TLK1: variants seen among roughly 807,000 people sequenced by gnomAD.
TLK1 encodes tousled like kinase 1, also known as serine/threonine-protein kinase tousled-like 1.
Under a neutral mutation model 105.3 loss-of-function variants are expected in TLK1, and 24 were observed. The observed-to-expected ratio is 0.23, with a 90% CI of 0.17 to 0.32. The LOEUF is 0.32. Among genes scored for constraint, TLK1 ranks in the 10% least tolerant of loss-of-function variants. The pLI, the probability that TLK1 is intolerant of heterozygous loss-of-function variation, is 1.00. For missense variants in TLK1, 558 were observed against 910.5 expected, an observed-to-expected ratio of 0.61 and a Z score of 4.98; for synonymous variants, 321 against 310.4, an observed-to-expected ratio of 1.03 and a Z score of -0.36.
At chr2:171,101,585 C>T (rs1026711581) in intron 2 of TLK1, among the ~76,000 whole-genome samples, 2 of 152,166 alleles carry the variant, frequency 1.3e-5, no homozygotes, top group African/African-American at 2.4e-5. Flanking sequence ...AAAGTGAATA[C>T]ATTAAAAACC....
intron 2 of TLK1, among the ~76,000 whole-genome samples, chr2:171,117,289 G>C (rs1690476208): frequency 6.6e-6 from 1 of 152,150 alleles, no homozygotes. Flanking sequence ...TGGAGCTCAG[G>C]CAGTAATGCT....
chr2:171,078,784 C>G (rs529177296), intron 3 of TLK1, among the ~76,000 whole-genome samples: 1 of 152,238 alleles, frequency 6.6e-6, no homozygotes, highest in South Asian at 2.1e-4. Context: ...AATATTAAAC[C>G]TTGAAGGTTA....
In TLK1 at chr2:171,117,865, GA is replaced by G. The variant is rs758541889; in HGVS notation, c.140-9del. 65 of 1,559,008 alleles carry G rather than the reference GA, an allele frequency of 4.2e-5. No homozygotes were observed. Among genetic ancestry groups the G allele is most frequent in the Admixed American group, 1.2e-4 (6 of 52,112 alleles). ...GAAGCTCATCCATTGCACCTATTAA[GA>G]AAAAAAAATATATATGTACACATAT... is the stretch of plus-strand genomic sequence containing the variant. On this transcript the variant is annotated splice_polypyrimidine_tract_variant and intron_variant, in intron 1 of 20. Coordinates refer to ENST00000431350, the MANE Select transcript of TLK1 (RefSeq NM_012290.5).
intron 11 of TLK1, among the ~76,000 whole-genome samples, chr2:171,030,764 A>C (rs1373530559): frequency 6.6e-6 from 1 of 152,164 alleles, no homozygotes; most frequent in Non-Finnish European, 1.5e-5. Context: ...TTCTATATAG[A>C]AATTCTGTAC....
chr2:171,125,987 GA>G (rs1229021647), intron 1 of TLK1, among the ~76,000 whole-genome samples: 1 of 151,678 alleles, frequency 6.6e-6, no homozygotes, highest in African/African-American at 2.4e-5. Context: ...AAATTTTCTG[GA>G]AAAAAAGTAA....
intron 3 of TLK1, among the ~76,000 whole-genome samples, chr2:171,074,350 A>T (rs974011860): frequency 6.6e-6 from 1 of 151,596 alleles, no homozygotes; most frequent in African/African-American, 2.4e-5. Context: ...CTGGAGGTGG[A>T]GGTGTAGTGG....
At chr2:171,135,702 T>G (rs1691289504) in intron 1 of TLK1, among the ~76,000 whole-genome samples, 1 of 151,868 alleles carries the variant, frequency 6.6e-6, no homozygotes, top group African/African-American at 2.4e-5. Context: ...CTCCAGAGGT[T>G]GGGGCAGGAG....
At chr2:171,129,218 T>C (rs1690996975) in intron 1 of TLK1, among the ~76,000 whole-genome samples, 1 of 152,188 alleles carries the variant, frequency 6.6e-6, no homozygotes, top group African/African-American at 2.4e-5. Context: ...AAGTAATAGG[T>C]GCTTCTTGAA....
rs1343439818 is a variant in TLK1, at chr2:171,160,232, G to A, written c.139+58C>T. ...GCGGGGGGGGCGGGGGGGGGGCGCGGGGGTCCGCGGCGCGGGAGAGGAGGC... is the reference window on the plus strand; with the variant it reads ...GCGGGGGGGGCGGGGGGGGGGCGCGAGGGTCCGCGGCGCGGGAGAGGAGGC... On this transcript the variant is annotated intron_variant, in intron 1 of 20. Transcript: ENST00000431350. This position sits in a 1 kb window ranked among gnomAD's most constrained non-coding sequence, Gnocchi z 4.4. The A allele has an allele frequency of 7.6e-7, 1 of 1,314,170 alleles. No homozygotes were observed. The highest frequency in any genetic ancestry group is 1.6e-5 in the African/African-American group (1 of 63,936). 81.4% of individuals were successfully genotyped at this position (1,314,170 alleles called of 1,614,324 possible).
intron 2 of TLK1, among the ~76,000 whole-genome samples, chr2:171,116,630 G>A (rs1690441449): frequency 1.3e-5 from 2 of 151,802 alleles, no homozygotes; most frequent in African/African-American, 2.4e-5. Flanking sequence ...AACCTGGGAG[G>A]CGGAGGTTGC....
At chr2:171,017,909 AAGTT>A (rs1386623157) in intron 12 of TLK1, among the ~76,000 whole-genome samples, 1 of 152,228 alleles carries the variant, frequency 6.6e-6, no homozygotes, top group Non-Finnish European at 1.5e-5. Context: ...TTCATCTTGT[AAGTT>A]AGTATTTCAC....
In TLK1 at chr2:171,004,587, A is replaced by C. The variant is rs151294911; in HGVS notation, c.1904+1560T>G. On this transcript the variant is annotated intron_variant, in intron 18 of 20. Transcript: ENST00000431350. ...TGTCCCTCGAACATCTGTAAAAGGG[A>C]AATTTCCTTGTCCTTCCCTATACTA... 4.8e-3 allele frequency among the ~76,000 whole-genome samples: 735 copies of C among 152,298 alleles called. 6 individuals carry two copies. The highest frequency in any genetic ancestry group is 0.016 in the African/African-American group (683 of 41,554).
chr2:171,067,241 GCT>G (rs1237582278), intron 3 of TLK1, among the ~76,000 whole-genome samples: 1 of 148,832 alleles, frequency 6.7e-6, no homozygotes, highest in Admixed American at 6.8e-5. Flanking sequence ...CTCACTGCAA[GCT>G]CTGTCTCCTG....
chr2:171,152,765 T>C (rs1232742894), intron 1 of TLK1, among the ~76,000 whole-genome samples: 2 of 152,188 alleles, frequency 1.3e-5, no homozygotes, highest in Non-Finnish European at 2.9e-5. Flanking sequence ...TTTGTTCAAA[T>C]TCTAGTATTT....
upstream of TLK1, among the ~76,000 whole-genome samples, chr2:171,163,598 C>A (rs1181554591): frequency 6.6e-6 from 1 of 152,082 alleles, no homozygotes; most frequent in East Asian, 1.9e-4. Flanking sequence ...AAGCTCCTAC[C>A]AATTCTGAGA....
chr2:171,038,116 A>C (rs1298764857), intron 11 of TLK1, among the ~76,000 whole-genome samples: 1 of 152,182 alleles, frequency 6.6e-6, no homozygotes, highest in African/African-American at 2.4e-5. Flanking sequence ...TCAATTTCAC[A>C]AAGATTTCAA....
intron 5 of TLK1, among the ~76,000 whole-genome samples, chr2:171,056,969 T>C (rs1037640728): frequency 5.3e-5 from 8 of 152,022 alleles, no homozygotes. Flanking sequence ...CCATAGACCT[T>C]AGTGAACATA....
At chr2:171,206,619 C>T (rs1453053823) in intron 1 of TLK1, among the ~76,000 whole-genome samples, 1 of 152,014 alleles carries the variant, frequency 6.6e-6, no homozygotes, top group African/African-American at 2.4e-5. Context: ...GTAATGCTGA[C>T]CAAGCAAATA....
At chr2:171,028,297 G>C (rs1685875735) in intron 12 of TLK1, 42 bp downstream of exon 12, 1 of 1,378,402 alleles carries the variant, frequency 7.3e-7, no homozygotes, top group African/African-American at 1.4e-5. Flanking sequence ...CACAAATTCT[G>C]GTAGCAAATT....
Sources: gnomAD v4.1 joint callset for allele counts (sites outside exome capture counted in the v4.1 genomes callset) on GRCh38, gnomAD v4.1.1 for gene constraint, Gnocchi (gnomAD v3.1) non-coding constraint, MANE v1.5 for transcripts, NCBI Gene and HGNC (gene_info 2026-07-23, HGNC 2026-07-21) for gene names.